Variants in RCBTB1 observed in about 807,000 individuals in gnomAD.
RCBTB1 encodes the protein RCC1 and BTB domain-containing protein 1.
Under a neutral mutation model 62.4 loss-of-function variants are expected in RCBTB1, and 46 were observed. The ratio of observed to expected loss-of-function variants is 0.74; its 90% CI spans 0.58 to 0.94. The LOEUF is 0.94. Among genes scored for constraint, RCBTB1 ranks in the 40% least tolerant of loss-of-function variants. RCBTB1 has a pLI of 0.00. For synonymous variants in RCBTB1, 222 were observed against 245.8 expected (o/e 0.90, Z 0.91); for missense variants, 565 against 654.9 (o/e 0.86, Z 1.50).
At chr13:49,554,259 G>A (rs1961652795) in intron 6 of RCBTB1, among the ~76,000 whole-genome samples, 1 of 152,068 alleles carries the variant, frequency 6.6e-6, no homozygotes, top group African/African-American at 2.4e-5. Flanking sequence ...TAACAAGATT[G>A]GGAAAAGGTA....
intron 12 of RCBTB1, 42 bp downstream of exon 12, chr13:49,540,834 G>T: frequency 6.3e-7 from 1 of 1,593,766 alleles, no homozygotes. Context: ...GAGCACAAAG[G>T]GAGTTAAAGG....
chr13:49,583,839 G>A (rs560289935), intron 1 of RCBTB1, among the ~76,000 whole-genome samples: 1 of 152,254 alleles, frequency 6.6e-6, no homozygotes, highest in South Asian at 2.1e-4. Context: ...AAGCCACTGC[G>A]CCTGGCCAAT....
chr13:49,577,160 G>A (rs947094959), intron 2 of RCBTB1, among the ~76,000 whole-genome samples: 1 of 152,132 alleles, frequency 6.6e-6, no homozygotes, highest in Non-Finnish European at 1.5e-5. Flanking sequence ...AATTCAGTCA[G>A]GACAAACACA....
At chr13:49,535,811 T>C (rs909832814) in intron 12 of RCBTB1, among the ~76,000 whole-genome samples, 2 of 151,876 alleles carry the variant, frequency 1.3e-5, no homozygotes, top group South Asian at 4.2e-4. Flanking sequence ...GATCACGAGG[T>C]CAGGAGTTTG....
At chr13:49,580,324 C>T (rs1299549048) in intron 2 of RCBTB1, among the ~76,000 whole-genome samples, 181 bp downstream of exon 2, 1 of 152,158 alleles carries the variant, frequency 6.6e-6, no homozygotes, top group Non-Finnish European at 1.5e-5. Context: ...GTGGCTCACA[C>T]CTGTAATCCC....
chr13:49,567,035 C>G (rs541504977), intron 3 of RCBTB1, 119 bp downstream of exon 3: 1 of 950,228 alleles, frequency 1.1e-6, no homozygotes, highest in Non-Finnish European at 1.6e-6. Context: ...CCATAGTCTT[C>G]CTGAACTTCA....
intron 4 of RCBTB1, among the ~76,000 whole-genome samples, chr13:49,563,661 GA>G (rs1330468245): frequency 6.6e-6 from 1 of 151,488 alleles, no homozygotes; most frequent in East Asian, 1.9e-4. Context: ...TGTCTCAAAA[GA>G]AAAAAAAGGA....
intron 12 of RCBTB1, among the ~76,000 whole-genome samples, chr13:49,538,758 T>C (rs73190741): frequency 5.7e-4 from 85 of 150,156 alleles, no homozygotes; most frequent in East Asian, 2.5e-3. Flanking sequence ...TATATATATA[T>C]ACACACACAC....
At chr13:49,568,963 A>G (rs1232847252) in intron 2 of RCBTB1, among the ~76,000 whole-genome samples, 4 of 152,204 alleles carry the variant, frequency 2.6e-5, no homozygotes, top group Non-Finnish European at 5.9e-5. Context: ...AATTGCAACA[A>G]TAACAACTAA....
At chr13:49,547,097 G>T in intron 9 of RCBTB1, 1 of 1,283,442 alleles carries the variant, frequency 7.8e-7, no homozygotes, top group Non-Finnish European at 1.0e-6. Context: ...GCTTCAGCTG[G>T]GTATGCCATA....
At chr13:49,564,798 G>C (rs1962783954) in intron 4 of RCBTB1, among the ~76,000 whole-genome samples, 1 of 151,632 alleles carries the variant, frequency 6.6e-6, no homozygotes, top group Admixed American at 6.6e-5. Flanking sequence ...GGCTGAGGCA[G>C]GAGAATGGCG....
rs528297934 is a variant in RCBTB1, at chr13:49,550,351, T to C, written c.855-703A>G. The C allele has an allele frequency of 3.6e-5, 24 of 663,586 alleles. No individual in the cohort carries two copies. In the South Asian group the frequency reaches 1.2e-3, roughly 33 times the overall value. 41.1% of individuals were successfully genotyped at this position (663,586 alleles called of 1,614,324 possible). ...AGAACACTCATTGGGCTGATAAGCA[T>C]TGGCTGGGGGTCACGGACTCTGAAC... On this transcript the variant is annotated intron_variant, in intron 8 of 12. Transcript: ENST00000378302.
rs924639585 is a variant in RCBTB1 at position 49,551,405 on chromosome 13, C to G, written c.775G>C (p.Ala259Pro). The G allele has an allele frequency of 6.2e-7, 1 of 1,614,190 alleles. No individual in the cohort carries two copies. The highest frequency in any genetic ancestry group is 8.5e-7 in the Non-Finnish European group (1 of 1,180,024). ...GTTCCCAGCTGCCCATATGTGTTAG[C>G]TCCCCAGGCATACAGCAAGCCCTCA... ...TDEGLLYAWG[A>P]NTYGQLGTGN... is the part of the protein sequence containing the mutation. The change falls in exon 8 of 13, where the codon GCT becomes CCT. Residue 259 changes from alanine (A) to proline (P), a missense_variant. Coordinates refer to ENST00000378302, the MANE Select transcript of RCBTB1 (RefSeq NM_018191.4).
Position 49,566,698 on chromosome 13 carries a change from T to C in RCBTB1, c.197A>G (p.Lys66Arg), listed in dbSNP as rs1963040660. 6.2e-7 allele frequency: 1 copy of C among 1,614,052 alleles called. No individual in the cohort carries two copies. ...CTTTCCACATAAGCCTTCTAGCTTT[T>C]TGGGTACAAGTGTACTCTGGTTATC... The part of the protein sequence containing the change: ...TGDNQSTLVP[K>R]KLEGLCGKKI... The change falls in exon 4 of 13, where the codon AAA (lysine) becomes AGA (arginine). Residue 66 changes from lysine to arginine, a missense_variant. Coordinates refer to ENST00000378302, the MANE Select transcript of RCBTB1 (RefSeq NM_018191.4).
Position 49,536,734 on chromosome 13 carries a change from T to C in RCBTB1, c.1456-2472A>G, listed in dbSNP as rs115703289. 6.5e-3 allele frequency among the ~76,000 whole-genome samples: 992 copies of C among 152,266 alleles called. 12 individuals are homozygous for C. Among genetic ancestry groups the C allele is most frequent in the African/African-American group, 0.022 (921 of 41,532 alleles). ...ATAAAAACAGAAGGGTCTAATACAG[T>C]CTTCTTGGTATTAGAAACTAAACTC... On this transcript the variant is annotated intron_variant, in intron 12 of 12. Transcript: ENST00000378302.
Position 49,567,306 on chromosome 13 carries a change from A to G in RCBTB1, c.-27T>C. On this transcript the variant is annotated 5_prime_UTR_variant, in exon 3 of 13. Transcript: ENST00000378302. ...ACTCTGGCTTCAAGCAATTCCTATA[A>G]ATAAGCCGACATCTCTGCTGGAACA... The G allele has an allele frequency of 6.2e-7, 1 of 1,611,458 alleles. No individual in the cohort carries two copies. Among genetic ancestry groups the G allele is most frequent in the Non-Finnish European group, 8.5e-7 (1 of 1,178,264 alleles).
In RCBTB1 at chr13:49,559,951, T is replaced by C; in HGVS notation, c.411A>G (p.Ser137=). Residue 137 remains serine, a synonymous_variant, in exon 5 of 13, where the codon TCA becomes TCG. Coordinates refer to ENST00000378302, the MANE Select transcript of RCBTB1 (RefSeq NM_018191.4). ...IKQVVEVACG[S]HHSMALAADG... Reference sequence around the variant, plus strand: ...CAGCTGCCAGAGCCATTGAATGATGTGAGCCACAAGCTACTTCCACCACTT... The same window carrying C: ...CAGCTGCCAGAGCCATTGAATGATGCGAGCCACAAGCTACTTCCACCACTT... 6.2e-7 allele frequency: 1 copy of C among 1,614,154 alleles called. No individual in the cohort carries two copies. The highest frequency in any genetic ancestry group is 8.5e-7 in the Non-Finnish European group (1 of 1,180,006).
At chr13:49,564,196 T>C (rs961157342) in intron 4 of RCBTB1, among the ~76,000 whole-genome samples, 1 of 152,172 alleles carries the variant, frequency 6.6e-6, no homozygotes, top group African/African-American at 2.4e-5. Context: ...TCTTTCAATA[T>C]GGCAACTACA....
intron 2 of RCBTB1, among the ~76,000 whole-genome samples, chr13:49,580,177 G>T: frequency 6.6e-6 from 1 of 152,172 alleles, no homozygotes; most frequent in Non-Finnish European, 1.5e-5. Context: ...AACCAGAAAA[G>T]AAATATCGAT....
Sources: gnomAD v4.1 joint callset for allele counts (sites outside exome capture counted in the v4.1 genomes callset) on GRCh38, gnomAD v4.1.1 for gene constraint, MANE v1.5 for transcripts, NCBI Gene and HGNC (gene_info 2026-07-23, HGNC 2026-07-21) for gene names.